The following SULF2 variants were observed in gnomAD, a reference collection of about 807,000 sequenced individuals.
The protein encoded by SULF2 is sulfatase 2.
A neutral mutation model predicts 107.7 loss-of-function variants in SULF2; 52 were observed. The ratio of observed to expected loss-of-function variants is 0.48; its 90% CI spans 0.39 to 0.61. The LOEUF (loss-of-function observed/expected upper bound fraction) is 0.61. SULF2 is among the 20% of genes least tolerant of loss of function. The pLI, the probability that SULF2 is intolerant of heterozygous loss-of-function variation, is 0.00. For missense variants in SULF2, 993 were observed against 1,177.3 expected, an observed-to-expected ratio of 0.84 and a Z score of 2.29; for synonymous variants, 460 against 464.3, an observed-to-expected ratio of 0.99 and a Z score of 0.12.
At position 47,672,322 on chromosome 20, in the gene SULF2, G is replaced by A. The variant is rs767497898; in HGVS notation, c.1452C>T (p.Gly484=). The change falls in exon 11 of 21, where the codon GGC becomes GGT. Residue 484 remains glycine, a synonymous_variant. Transcript: ENST00000688720. The part of the protein sequence containing the change: ...LHKCKGPMRL[G]GSRALSNLVP... ...CGAGGTTGGAGAGGGCTCTGCTGCC[G>A]CCCAGCCGCATGGGGCCCTTGCACT... The A allele has an allele frequency of 3.2e-5, 52 of 1,613,072 alleles. No individual in the cohort carries two copies. The highest frequency in any genetic ancestry group is 4.0e-5 in the African/African-American group (3 of 74,894).
rs146815464 is a variant in SULF2 at position 47,754,410 on chromosome 20, T to C, written c.175+2779A>G. On this transcript the variant is annotated intron_variant, in intron 2 of 20. Coordinates refer to ENST00000688720, the MANE Select transcript of SULF2 (RefSeq NM_001387048.1). ...TAATGTATTGGGCTTTTTTGGGACA[T>C]GCATTATTGATCTGGGTCTGTCTAG... is the stretch of plus-strand genomic sequence containing the variant. Among the ~76,000 whole-genome samples, 186 of 152,348 alleles carry C rather than the reference T, an allele frequency of 1.2e-3. 2 individuals are homozygous for C. The South Asian group carries it at 0.013, about 10-fold the overall frequency.
At chr20:47,662,777 T>C (rs1401258888) in intron 17 of SULF2, among the ~76,000 whole-genome samples, 1 of 136,846 alleles carries the variant, frequency 7.3e-6, no homozygotes, top group African/African-American at 2.5e-5. Context: ...GTGTTAGGAG[T>C]CTTCACAAGT....
At chr20:47,715,666 C>T (rs1202750406) in intron 3 of SULF2, among the ~76,000 whole-genome samples, 3 of 151,414 alleles carry the variant, frequency 2.0e-5, no homozygotes, top group Non-Finnish European at 4.4e-5. Flanking sequence ...ACTGCAACCT[C>T]TGCCTCCCGG....
intron 3 of SULF2, among the ~76,000 whole-genome samples, chr20:47,710,864 T>C (rs760854870): frequency 2.0e-5 from 3 of 152,148 alleles, no homozygotes; most frequent in Non-Finnish European, 4.4e-5. Flanking sequence ...CCCATTTGTC[T>C]GAGTTAAGTG....
At chr20:47,679,526 G>A (rs1280986352) in intron 7 of SULF2, among the ~76,000 whole-genome samples, 1 of 152,144 alleles carries the variant, frequency 6.6e-6, no homozygotes, top group Non-Finnish European at 1.5e-5. Context: ...TTCTCCCCTT[G>A]CTGGCTTTGA....
intron 3 of SULF2, among the ~76,000 whole-genome samples, chr20:47,708,367 A>T (rs892470252): frequency 4.6e-5 from 7 of 152,080 alleles, no homozygotes; most frequent in Non-Finnish European, 8.8e-5. Context: ...CCCAAGGGGG[A>T]CAGTGAGGGA....
chr20:47,759,490 G>C (rs2090370027), intron 1 of SULF2, among the ~76,000 whole-genome samples: 1 of 152,150 alleles, frequency 6.6e-6, no homozygotes, highest in Non-Finnish European at 1.5e-5. Context: ...TCAGGAGTTC[G>C]AGACCAGCCT....
chr20:47,723,398 G>T (rs1362257349), intron 3 of SULF2, among the ~76,000 whole-genome samples: 4 of 152,190 alleles, frequency 2.6e-5, no homozygotes, highest in Non-Finnish European at 4.4e-5. Context: ...AAGAGAGAAT[G>T]GATGGAGGAA....
chr20:47,676,195 T>C (rs2087633234), intron 10 of SULF2, among the ~76,000 whole-genome samples: 1 of 152,256 alleles, frequency 6.6e-6, no homozygotes, highest in East Asian at 1.9e-4. Flanking sequence ...ATTTAACTCC[T>C]GCTGGGGCCT....
At chr20:47,751,842 G>A (rs2090164212) in intron 2 of SULF2, among the ~76,000 whole-genome samples, 1 of 152,184 alleles carries the variant, frequency 6.6e-6, no homozygotes, top group South Asian at 2.1e-4. Context: ...GGTTCCCATG[G>A]CACTTTTGCA....
In SULF2 at chr20:47,745,382, GAAAAAAAAAAAAAAAAAAAAA is replaced by G. The variant is rs1158560282; in HGVS notation, c.176-8461_176-8441del. On this transcript the variant is annotated intron_variant, in intron 2 of 20. Transcript: ENST00000688720. ...CTCAGGGTTGTTCTGAGTTTTGAGG[GAAAAAAAAAAAAAAAAAAAAA>G]AAAAAAAATATATATATATATATAT... 6.3e-4 allele frequency among the ~76,000 whole-genome samples: 33 copies of G among 52,044 alleles called. 1 individual carries two copies. Among genetic ancestry groups the G allele is most frequent in the African/African-American group, 1.5e-3 (29 of 19,170 alleles). The allele number at this position is 52,044 out of a possible 152,430, so 34.1% of individuals were successfully genotyped here. A position where few individuals can be genotyped will look rare whatever the true frequency, so the allele number is the denominator to read the frequency against.
chr20:47,745,454 TATACACATAC>T (rs1252929650), intron 2 of SULF2, among the ~76,000 whole-genome samples: 830 of 17,202 alleles, frequency 0.048, 44 homozygotes, highest in Middle Eastern at 0.14. Context: ...TATATATATA[TATACACATAC>T]ACACACACTT....
At position 47,659,414 on chromosome 20, in the gene SULF2, G is replaced by A; in HGVS notation, c.2567C>T (p.Pro856Leu). 6.2e-7 allele frequency: 1 copy of A among 1,614,122 alleles called. No individual in the cohort carries two copies. Among genetic ancestry groups the A allele is most frequent in the East Asian group, 2.2e-5 (1 of 44,884 alleles). The change falls in exon 20 of 21, where the codon CCT becomes CTT. Residue 856 changes from proline (P) to leucine (L), a missense_variant. Physicochemically the swap from Pro to Leu is moderately conservative, Grantham distance 98. This residue lies in a region of SULF2 where 497 missense variants were observed against 544.1 expected (regional missense o/e 0.91). Transcript: ENST00000688720. The part of the protein sequence containing the change: ...QRRKWPEMKR[P>L]SSKSLGQLWE... ...CTCAACTCACAGTGATTTGGAAGAA[G>A]GTCTCTTCATTTCTGGCCACTTTCG...
chr20:47,757,015 C>A (rs1442930342), intron 2 of SULF2, among the ~76,000 whole-genome samples, 174 bp downstream of exon 2: 1 of 152,230 alleles, frequency 6.6e-6, no homozygotes, highest in Admixed American at 6.5e-5. Flanking sequence ...GACCCCTAAC[C>A]TTGAGGACCC....
At position 47,672,270 on chromosome 20, in the gene SULF2, C is replaced by T. The variant is rs143133611; in HGVS notation, c.1504G>A (p.Glu502Lys). ...LVPKYYGQGS[E>K]ACTCDSGDYK... ...TCCCCGCTGTCACAGGTGCAGGCCT[C>T]GCTGCCCTGCCCGTAGTACTTGGGC... is the stretch of plus-strand genomic sequence containing the variant. The change falls in exon 11 of 21, where the codon GAG (glutamate) becomes AAG (lysine). Residue 502 changes from glutamate to lysine, a missense_variant. Transcript: ENST00000688720. The T allele has an allele frequency of 1.3e-4, 213 of 1,613,566 alleles. No homozygotes were observed. The African/African-American group carries it at 2.2e-3, about 16-fold the overall frequency.
chr20:47,750,517 C>T (rs1315321607), intron 2 of SULF2, among the ~76,000 whole-genome samples: 1 of 152,210 alleles, frequency 6.6e-6, no homozygotes, highest in Non-Finnish European at 1.5e-5. Context: ...TCATTGGGCT[C>T]ATCTCATGCG....
chr20:47,670,682 GGA>G (rs1454787152), intron 11 of SULF2, among the ~76,000 whole-genome samples: 10 of 284 alleles, frequency 0.035, no homozygotes, highest in Admixed American at 0.071. Context: ...CAGCAGGGTG[GGA>G]GAGCGGGGTG....
At position 47,657,702 on chromosome 20, in the gene SULF2, C is replaced by T. The variant is rs2086940316; in HGVS notation, c.*660G>A. ...ACACTGGCCACAGAGCGTTTATTGACACCACCACTCCTGAAAATTGGGATT... is the reference window on the plus strand; with the variant it reads ...ACACTGGCCACAGAGCGTTTATTGATACCACCACTCCTGAAAATTGGGATT... On this transcript the variant is annotated 3_prime_UTR_variant, in exon 21 of 21. Transcript: ENST00000688720. The T allele has an allele frequency of 1.3e-5, 2 of 152,418 alleles. No individual in the cohort carries two copies. The highest frequency in any genetic ancestry group is 4.1e-4 in the South Asian group (2 of 4,824). The allele number at this position is 152,418 out of a possible 1,614,324, so 9.4% of individuals were successfully genotyped here.
In SULF2 at chr20:47,663,014, C is replaced by T. The variant is rs567919323; in HGVS notation, c.2370+56G>A. 60 of 1,602,214 alleles carry T rather than the reference C, an allele frequency of 3.7e-5. No individual in the cohort carries two copies. In the African/African-American group the frequency reaches 4.7e-4, roughly 12 times the overall value. On this transcript the variant is annotated intron_variant, in intron 17 of 20. Coordinates refer to ENST00000688720, the MANE Select transcript of SULF2 (RefSeq NM_001387048.1). Reference sequence around the variant, plus strand: ...CTTCCCTGAGGTTGGGGGGGGCCTACCTGGCAGCACTGGTGTACCCCACAC... The same window carrying T: ...CTTCCCTGAGGTTGGGGGGGGCCTATCTGGCAGCACTGGTGTACCCCACAC...
Sources: gnomAD v4.1 joint callset for allele counts (sites outside exome capture counted in the v4.1 genomes callset) on GRCh38, gnomAD v4.1.1 for gene constraint, gnomAD v4.1.1 regional missense constraint, MANE v1.5 for transcripts, NCBI Gene and HGNC (gene_info 2026-07-23, HGNC 2026-07-21) for gene names.